ARAP1: variants seen among roughly 807,000 people sequenced by gnomAD.
The protein encoded by ARAP1 is arf-GAP with Rho-GAP domain, ANK repeat and PH domain-containing protein 1.
A neutral mutation model predicts 172.2 loss-of-function variants in ARAP1; 76 were observed. That is an observed-to-expected ratio of 0.44 (90% CI 0.37 to 0.53). ARAP1 has a LOEUF of 0.53. ARAP1 is among the 20% of genes least tolerant of loss of function. The pLI, the probability that ARAP1 is intolerant of heterozygous loss-of-function variation, is 0.00. For missense variants in ARAP1, 1,686 were observed against 1,977.5 expected, an observed-to-expected ratio of 0.85 and a Z score of 2.80; for synonymous variants, 804 against 803.3, an observed-to-expected ratio of 1.00 and a Z score of -0.01.
At chr11:72,733,570 A>G (rs7120605) in intron 1 of ARAP1, among the ~76,000 whole-genome samples, 21,954 of 152,152 alleles carry the variant, frequency 0.14, 2,062 homozygotes, top group African/African-American at 0.26. Flanking sequence ...CTATGCAGAC[A>G]GCCGGAGCTC....
chr11:72,697,278 G>C, intron 21 of ARAP1, 45 bp downstream of exon 21: 1 of 1,581,484 alleles, frequency 6.3e-7, no homozygotes, highest in Middle Eastern at 1.7e-4. Context: ...GCGGGAGGCG[G>C]CTCTCCGGGA....
chr11:72,733,534 A>C (rs1441138659), intron 1 of ARAP1, among the ~76,000 whole-genome samples: 1 of 152,112 alleles, frequency 6.6e-6, no homozygotes, highest in African/African-American at 2.4e-5. Flanking sequence ...AAAGAATAGG[A>C]TATTCCTGAC....
Position 72,726,488 on chromosome 11 carries a change from G to A in ARAP1, c.509+132C>T, listed in dbSNP as rs1162462618. On this transcript the variant is annotated intron_variant, in intron 3 of 34. Coordinates refer to ENST00000393609, the MANE Select transcript of ARAP1 (RefSeq NM_001040118.3). The surrounding 1 kb of genome is among the most constrained non-coding windows in gnomAD (Gnocchi z 6.5). The stretch of plus-strand genomic sequence containing the variant: ...ACCAGACAGCAATCCTGTCCTCCGA[G>A]CTTTGCACACGCTGTTCCCCCTGCA... The A allele has an allele frequency of 8.1e-7, 1 of 1,232,030 alleles. No homozygotes were observed. Among genetic ancestry groups the A allele is most frequent in the Non-Finnish European group, 1.1e-6 (1 of 914,172 alleles). The allele number at this position is 1,232,030 out of a possible 1,614,324, so 76.3% of individuals were successfully genotyped here. A position where few individuals can be genotyped will look rare whatever the true frequency, so the allele number is the denominator to read the frequency against.
intron 3 of ARAP1, among the ~76,000 whole-genome samples, chr11:72,723,709 G>A (rs1048981400): frequency 2.6e-5 from 4 of 152,198 alleles, no homozygotes; most frequent in Admixed American, 6.5e-5. Context: ...AGCTCAGCAC[G>A]TGCCAGTACA....
At chr11:72,696,745 C>CA in intron 22 of ARAP1, 91 bp from the exon 23 acceptor site, 1 of 1,130,144 alleles carries the variant, frequency 8.8e-7, no homozygotes, top group Non-Finnish European at 1.2e-6. Context: ...TGGTGGGTGA[C>CA]AGCAGTCCCT....
At chr11:72,736,565 A>G (rs1040073906) in intron 1 of ARAP1, among the ~76,000 whole-genome samples, 11 of 152,158 alleles carry the variant, frequency 7.2e-5, no homozygotes, top group Non-Finnish European at 1.5e-4. Flanking sequence ...GACCTGGCAG[A>G]AGGGAGTGTC....
chr11:72,714,498 G>A (rs1166002278), intron 3 of ARAP1, among the ~76,000 whole-genome samples, 177 bp from the exon 4 acceptor site: 1 of 152,072 alleles, frequency 6.6e-6, no homozygotes, highest in African/African-American at 2.4e-5. Flanking sequence ...ACCCCTCCTG[G>A]TTCCCCGAAG....
At chr11:72,700,355 C>G (rs1019191399) in intron 16 of ARAP1, 1 of 152,418 alleles carries the variant, frequency 6.6e-6, no homozygotes, top group Non-Finnish European at 1.5e-5. Context: ...GCTTTGTCCC[C>G]GTAGGAAAGC....
chr11:72,743,686 G>T (rs1858271318), intron 1 of ARAP1, among the ~76,000 whole-genome samples: 1 of 152,120 alleles, frequency 6.6e-6, no homozygotes, highest in Non-Finnish European at 1.5e-5. Context: ...CCCTTCTTTT[G>T]ACCTCTGAGG....
chr11:72,751,360 T>C (rs571799491), intron 1 of ARAP1, among the ~76,000 whole-genome samples: 140 of 152,248 alleles, frequency 9.2e-4, no homozygotes, highest in Non-Finnish European at 1.4e-3. Context: ...TCCTTGTAAA[T>C]TGCCACTTAA....
chr11:72,685,362 T>G lies in ARAP1; in HGVS notation c.*302A>C. 1 of 468,196 alleles carries G rather than the reference T, an allele frequency of 2.1e-6. No homozygotes were observed. The highest frequency in any genetic ancestry group is 2.0e-5 in the African/African-American group (1 of 50,470). 29.0% of individuals were successfully genotyped at this position (468,196 alleles called of 1,614,324 possible). On this transcript the variant is annotated 3_prime_UTR_variant, in exon 35 of 35. Coordinates refer to ENST00000393609, the MANE Select transcript of ARAP1 (RefSeq NM_001040118.3). The stretch of plus-strand genomic sequence containing the variant: ...TGAAAGGGTGGTGGTCCTCCCAAGT[T>G]CCTGACTTATGCCCATCTCTCCAGC...
chr11:72,713,434 G>A (rs189475814), intron 4 of ARAP1, among the ~76,000 whole-genome samples, 191 bp from the exon 5 acceptor site: 22 of 152,362 alleles, frequency 1.4e-4, no homozygotes, highest in Admixed American at 1.3e-3. Context: ...AGTACTAAAG[G>A]GTGGCAGAGG....
chr11:72,691,128 T>G (rs540276006), intron 30 of ARAP1, among the ~76,000 whole-genome samples: 1 of 152,202 alleles, frequency 6.6e-6, no homozygotes, highest in African/African-American at 2.4e-5. Context: ...CTAAGAAACC[T>G]GGGTGCAAGT....
At chr11:72,694,637 G>A (rs966597383) in intron 27 of ARAP1, among the ~76,000 whole-genome samples, 1 of 152,028 alleles carries the variant, frequency 6.6e-6, no homozygotes, top group Non-Finnish European at 1.5e-5. Context: ...TGTGTGTGTG[G>A]CTCCCTAGCC....
Position 72,707,186 on chromosome 11 carries a change from T to C in ARAP1, c.1712A>G (p.Lys571Arg), listed in dbSNP as rs1423781847. The change falls in exon 12 of 35, where the codon AAG becomes AGG. Residue 571 changes from lysine (K) to arginine (R), a missense_variant. Around this residue, in one of 5 missense-constraint regions of ARAP1, gnomAD observed 688 missense variants for 856.9 expected, o/e 0.80. Coordinates refer to ENST00000393609, the MANE Select transcript of ARAP1 (RefSeq NM_001040118.3). ...ASINLCVVIC[K>R]RCAGEHRGLG... ...CCCCATGCACACACCTGCACAGCGC[T>C]TGCAGATAACAACACAGAGGTTGAT... The C allele has an allele frequency of 1.3e-6, 2 of 1,592,878 alleles. No homozygotes were observed. Among genetic ancestry groups the C allele is most frequent in the Admixed American group, 3.5e-5 (2 of 57,032 alleles).
At chr11:72,713,153 G>T (rs1391306913) in intron 5 of ARAP1, 23 bp downstream of exon 5, 2 of 1,612,820 alleles carry the variant, frequency 1.2e-6, no homozygotes, top group Non-Finnish European at 1.7e-6. Context: ...CTGACAGGCA[G>T]ACAGTCCCAT....
intron 3 of ARAP1, among the ~76,000 whole-genome samples, chr11:72,720,153 T>C (rs983092521): frequency 2.0e-5 from 3 of 152,130 alleles, no homozygotes; most frequent in African/African-American, 4.8e-5. Context: ...GCCCCTGGAC[T>C]CTCACCATCA....
In ARAP1 at chr11:72,693,278, G is replaced by A. The variant is rs766115933; in HGVS notation, c.3954+47C>T. ...CAAGGGGAATCTCTGAGCACATTCA[G>A]GTGTACAGGTGCCCACCCTGGGGCA... On this transcript the variant is annotated intron_variant, in intron 29 of 34. Transcript: ENST00000393609. The surrounding 1 kb of genome is among the most constrained non-coding windows in gnomAD (Gnocchi z 4.6). The A allele has an allele frequency of 3.8e-6, 6 of 1,599,964 alleles. No individual in the cohort carries two copies. The Admixed American group carries it at 8.5e-5, about 23-fold the overall frequency.
At chr11:72,730,200 A>G (rs1368750501) in intron 2 of ARAP1, among the ~76,000 whole-genome samples, 1 of 152,258 alleles carries the variant, frequency 6.6e-6, no homozygotes, top group African/African-American at 2.4e-5. Context: ...GGCAAAGAGT[A>G]TGAATGAAAA....
Sources: gnomAD v4.1 joint callset for allele counts (sites outside exome capture counted in the v4.1 genomes callset) on GRCh38, gnomAD v4.1.1 for gene constraint, gnomAD v4.1.1 regional missense constraint, Gnocchi (gnomAD v3.1) non-coding constraint, MANE v1.5 for transcripts, NCBI Gene and HGNC (gene_info 2026-07-23, HGNC 2026-07-21) for gene names.